Variants in GLRA3 observed in about 807,000 individuals in gnomAD.
The protein encoded by GLRA3 is glycine receptor alpha 3, also known as glycine receptor subunit alpha-3.
In GLRA3, 44 loss-of-function variants were observed where a neutral mutation model predicts 60.4. The observed-to-expected ratio is 0.73, with a 90% CI of 0.57 to 0.94. The LOEUF is 0.94. Among genes scored for constraint, GLRA3 ranks in the 40% least tolerant of loss-of-function variants. The probability of loss-of-function intolerance (pLI) is 0.00; values close to 1 mark genes in which losing one functional copy is unlikely to be tolerated. For synonymous variants in GLRA3, 223 were observed against 192.9 expected, an observed-to-expected ratio of 1.16 and a Z score of -1.29; for missense variants, 508 against 564.6, an observed-to-expected ratio of 0.90 and a Z score of 1.02.
intron 2 of GLRA3, among the ~76,000 whole-genome samples, chr4:174,770,443 A>G (rs1238933102): frequency 6.6e-6 from 1 of 152,112 alleles, no homozygotes; most frequent in African/African-American, 2.4e-5. Context: ...TTTTCTTAGA[A>G]ATAGAAAAAT....
chr4:174,706,054 C>T (rs953303900), intron 5 of GLRA3, among the ~76,000 whole-genome samples: 3 of 151,830 alleles, frequency 2.0e-5, no homozygotes, highest in Non-Finnish European at 4.4e-5. Flanking sequence ...ATGGTGAAAC[C>T]CCGTCTCTAC....
rs748334568 is a variant in GLRA3 at position 174,828,749 on chromosome 4, C to G, written c.63G>C (p.Leu21=). 13 of 1,606,150 alleles carry G rather than the reference C, an allele frequency of 8.1e-6. No individual in the cohort carries two copies. Among genetic ancestry groups the G allele is most frequent in the Middle Eastern group, 3.3e-4 (2 of 6,054 alleles). The part of the protein sequence containing the change: ...VSGFYFWEAA[L]LLSLVATKET... ...AATCCAAGCGAACTCACCTGAGTAA[C>G]AGTGCTGCTTCCCAGAAGTAAAATC... is the stretch of plus-strand genomic sequence containing the variant. Residue 21 remains leucine (L), a synonymous_variant, in exon 1 of 10, where the codon CTG becomes CTC. Transcript: ENST00000274093.
At chr4:174,822,147 C>G (rs534041716) in intron 1 of GLRA3, among the ~76,000 whole-genome samples, 3 of 152,280 alleles carry the variant, frequency 2.0e-5, no homozygotes, top group South Asian at 4.1e-4. Context: ...CACAGTGATA[C>G]AGTGTTAAAA....
rs111937973 is a variant in GLRA3, at chr4:174,690,656, T to C, written c.575-7717A>G. ...TTGTCTTTTCTGGGCCTCTCCCTTC[T>C]CTTCCTCTCCCACCTCAAGTAGATG... On this transcript the variant is annotated intron_variant, in intron 5 of 9. Transcript: ENST00000274093. 7.7e-4 allele frequency among the ~76,000 whole-genome samples: 117 copies of C among 152,190 alleles called. 1 individual carries two copies. Among genetic ancestry groups the C allele is most frequent in the Non-Finnish European group, 1.5e-3 (99 of 68,040 alleles).
chr4:174,707,616 T>C (rs921937178), intron 5 of GLRA3, among the ~76,000 whole-genome samples: 3 of 152,216 alleles, frequency 2.0e-5, no homozygotes, highest in African/African-American at 7.2e-5. Flanking sequence ...GAGGGAACTC[T>C]AAGTCTTTTC....
intron 2 of GLRA3, among the ~76,000 whole-genome samples, chr4:174,779,529 C>A (rs1418950374): frequency 2.6e-5 from 4 of 152,076 alleles, no homozygotes; most frequent in African/African-American, 9.7e-5. Flanking sequence ...TAAGGGAGGA[C>A]ATTCAAACCA....
At chr4:174,764,554 C>CT (rs1332604991) in intron 3 of GLRA3, among the ~76,000 whole-genome samples, 1 of 67,866 alleles carries the variant, frequency 1.5e-5, no homozygotes, top group Non-Finnish European at 3.4e-5. Context: ...CAGACTCCGT[C>CT]TCAAAAAAAA....
At chr4:174,645,366 C>G (rs1293890318) in intron 9 of GLRA3, among the ~76,000 whole-genome samples, 1 of 148,026 alleles carries the variant, frequency 6.8e-6, no homozygotes, top group African/African-American at 2.5e-5. Context: ...GAGCTGAGAT[C>G]GCACCACTGC....
chr4:174,748,347 A>T (rs1737329985), intron 3 of GLRA3, among the ~76,000 whole-genome samples: 1 of 152,204 alleles, frequency 6.6e-6, no homozygotes, highest in African/African-American at 2.4e-5. Flanking sequence ...ATTTTAGTGA[A>T]GCGATTGGTG....
chr4:174,659,740 G>A (rs1261600099), intron 7 of GLRA3, among the ~76,000 whole-genome samples: 1 of 152,094 alleles, frequency 6.6e-6, no homozygotes, highest in Admixed American at 6.6e-5. Flanking sequence ...GGTATGCCAA[G>A]GCGGGTGGAT....
Position 174,781,674 on chromosome 4 carries a change from A to T in GLRA3, c.199+7142T>A, listed in dbSNP as rs1389311956. Among the ~76,000 whole-genome samples the T allele has an allele frequency of 6.0e-5, 9 of 150,984 alleles. No homozygotes were observed. In the South Asian group the frequency reaches 1.5e-3, roughly 25 times the overall value. On this transcript the variant is annotated intron_variant, in intron 2 of 9. Coordinates refer to ENST00000274093, the MANE Select transcript of GLRA3 (RefSeq NM_006529.4). ...CAGAAATACAAACTACCATCAGAGA[A>T]TACTACAAACACCTCTACGCAAATA...
At chr4:174,795,885 G>A (rs991081559) in intron 1 of GLRA3, among the ~76,000 whole-genome samples, 2 of 150,898 alleles carry the variant, frequency 1.3e-5, no homozygotes, top group African/African-American at 2.5e-5. Flanking sequence ...TTCTTAATAC[G>A]GTGTGAGCAA....
intron 5 of GLRA3, among the ~76,000 whole-genome samples, chr4:174,710,341 A>G (rs905616711): frequency 5.9e-5 from 9 of 152,114 alleles, no homozygotes; most frequent in Non-Finnish European, 1.2e-4. Context: ...AATTTTCACA[A>G]AAAACACAGC....
At chr4:174,788,093 G>A (rs925413353) in intron 2 of GLRA3, among the ~76,000 whole-genome samples, 2 of 151,968 alleles carry the variant, frequency 1.3e-5, no homozygotes, top group African/African-American at 4.8e-5. Flanking sequence ...TCTTTATTGG[G>A]TAAAGTAATA....
intron 5 of GLRA3, among the ~76,000 whole-genome samples, chr4:174,686,172 C>T (rs1734547175): frequency 6.6e-6 from 1 of 152,158 alleles, no homozygotes; most frequent in African/African-American, 2.4e-5. Context: ...GGGGCAATTC[C>T]TTTATTTGAG....
At chr4:174,670,962 G>A (rs945537011) in intron 7 of GLRA3, among the ~76,000 whole-genome samples, 9 of 151,794 alleles carry the variant, frequency 5.9e-5, no homozygotes, top group African/African-American at 1.9e-4. Context: ...CTTGTGATAA[G>A]GGTATGAATA....
Position 174,639,778 on chromosome 4 carries a change from A to T in GLRA3, c.*4008T>A, listed in dbSNP as rs578015336. On this transcript the variant is annotated 3_prime_UTR_variant, in exon 10 of 10. Coordinates refer to ENST00000274093, the MANE Select transcript of GLRA3 (RefSeq NM_006529.4). ...TTTTAAAGTTAATTAAATTAATGCA[A>T]TTTACAGTGTACACTGCTTATTTAT... The T allele has an allele frequency of 2.6e-5, 4 of 152,228 alleles. No individual in the cohort carries two copies. The East Asian group carries it at 5.8e-4, about 22-fold the overall frequency. The allele number at this position is 152,228 out of a possible 1,614,324, so 9.4% of individuals were successfully genotyped here. A position where few individuals can be genotyped will look rare whatever the true frequency, so the allele number is the denominator to read the frequency against.
At chr4:174,820,900 C>T (rs1740717027) in intron 1 of GLRA3, among the ~76,000 whole-genome samples, 1 of 151,850 alleles carries the variant, frequency 6.6e-6, no homozygotes, top group Non-Finnish European at 1.5e-5. Flanking sequence ...AGCTGACAAT[C>T]ATTTTTTTTT....
Position 174,652,017 on chromosome 4 carries a change from AG to A in GLRA3, c.1116+4725del, listed in dbSNP as rs1733038326. Among the ~76,000 whole-genome samples the A allele has an allele frequency of 2.0e-5, 3 of 151,922 alleles. No homozygotes were observed. The South Asian group carries it at 6.2e-4, about 32-fold the overall frequency. On this transcript the variant is annotated intron_variant, in intron 9 of 9. Coordinates refer to ENST00000274093, the MANE Select transcript of GLRA3 (RefSeq NM_006529.4). ...GAGCCCCTGGACCTTAAAAACATCA[AG>A]TTTTTTTTTTAATGACCTAAACAAT...
Sources: allele counts gnomAD v4.1 joint callset (sites outside exome capture counted in the v4.1 genomes callset), GRCh38; gene constraint gnomAD v4.1.1; transcripts MANE v1.5; gene names NCBI Gene and HGNC (gene_info 2026-07-23, HGNC 2026-07-21).